Variants in GPC6 observed in about 807,000 individuals in gnomAD.
GPC6 encodes the protein glypican 6, also known as glypican-6.
A neutral mutation model predicts 55.2 loss-of-function variants in GPC6; 14 were observed. The observed-to-expected ratio is 0.25, with a 90% CI of 0.17 to 0.40. The LOEUF is 0.40. GPC6 is among the 10% of genes least tolerant of loss of function. The pLI is 1.00. For missense variants in GPC6, 641 were observed against 708.5 expected (o/e 0.90, Z 1.08); for synonymous variants, 278 against 259.6 (o/e 1.07, Z -0.68).
intron 3 of GPC6, among the ~76,000 whole-genome samples, chr13:94,024,992 A>G (rs964528566): frequency 6.6e-6 from 1 of 152,226 alleles, no homozygotes; most frequent in African/African-American, 2.4e-5. Context: ...GCATAGCACA[A>G]GGTTATAAAA....
intron 1 of GPC6, among the ~76,000 whole-genome samples, chr13:93,228,656 A>G (rs950280896): frequency 2.0e-5 from 3 of 152,160 alleles, no homozygotes; most frequent in African/African-American, 7.2e-5. Context: ...GCTAAAGAAC[A>G]GAACTGAGAG....
intron 1 of GPC6, among the ~76,000 whole-genome samples, chr13:93,340,171 A>C (rs1880202325): frequency 6.6e-6 from 1 of 151,348 alleles, no homozygotes; most frequent in Non-Finnish European, 1.5e-5. Flanking sequence ...AGTAGCTGGG[A>C]CTACAGGCGC....
intron 2 of GPC6, among the ~76,000 whole-genome samples, chr13:93,723,504 T>C (rs1216428019): frequency 6.6e-6 from 1 of 151,976 alleles, no homozygotes; most frequent in African/African-American, 2.4e-5. Context: ...AGCCTTCAGA[T>C]AACTGCAGCT....
chr13:94,022,846 G>A (rs574323949), intron 3 of GPC6, among the ~76,000 whole-genome samples: 1 of 152,114 alleles, frequency 6.6e-6, no homozygotes, highest in African/African-American at 2.4e-5. Context: ...TCATGTTCCT[G>A]TTGGCCATTT....
intron 2 of GPC6, among the ~76,000 whole-genome samples, chr13:93,790,725 G>A (rs892909591): frequency 2.6e-5 from 4 of 152,146 alleles, no homozygotes; most frequent in Admixed American, 2.6e-4. Context: ...TTCAAGGAGT[G>A]GCCAACCTAG....
intron 4 of GPC6, among the ~76,000 whole-genome samples, chr13:94,135,618 C>T (rs1887159826): frequency 6.6e-6 from 1 of 152,232 alleles, no homozygotes; most frequent in Admixed American, 6.5e-5. Flanking sequence ...GACATAAATC[C>T]ACATGGCTAA....
At chr13:93,822,387 G>A (rs963412560) in intron 2 of GPC6, among the ~76,000 whole-genome samples, 4 of 152,052 alleles carry the variant, frequency 2.6e-5, no homozygotes, top group African/African-American at 9.7e-5. Context: ...TGCTCTCCAG[G>A]CTCGGTTATC....
At chr13:93,938,028 T>C (rs1304731195) in intron 3 of GPC6, among the ~76,000 whole-genome samples, 5 of 152,208 alleles carry the variant, frequency 3.3e-5, no homozygotes, top group Non-Finnish European at 7.3e-5. Flanking sequence ...CTTAATTAGT[T>C]TGACCCTTAA....
intron 1 of GPC6, among the ~76,000 whole-genome samples, chr13:93,421,448 T>C (rs1379323839): frequency 2.0e-5 from 3 of 152,204 alleles, no homozygotes; most frequent in Non-Finnish European, 2.9e-5. Flanking sequence ...TTGTCAGGAA[T>C]TGATTTTCTG....
intron 1 of GPC6, among the ~76,000 whole-genome samples, chr13:93,473,025 A>C (rs1458090799): frequency 6.6e-6 from 1 of 152,148 alleles, no homozygotes; most frequent in Non-Finnish European, 1.5e-5. Flanking sequence ...GCTGTGGCTG[A>C]GCCTGGGGCT....
At chr13:93,518,386 C>T (rs980834312) in intron 1 of GPC6, among the ~76,000 whole-genome samples, 3 of 151,884 alleles carry the variant, frequency 2.0e-5, no homozygotes, top group African/African-American at 4.8e-5. Context: ...TCTTGCTTCT[C>T]CACTTTTCCA....
chr13:93,786,539 A>G (rs185615787), intron 2 of GPC6, among the ~76,000 whole-genome samples: 1 of 152,196 alleles, frequency 6.6e-6, no homozygotes, highest in East Asian at 1.9e-4. Flanking sequence ...GGACATACAC[A>G]GCTACTATAC....
At chr13:93,555,746 T>C (rs1160261892) in intron 2 of GPC6, among the ~76,000 whole-genome samples, 1 of 152,146 alleles carries the variant, frequency 6.6e-6, no homozygotes, top group African/African-American at 2.4e-5. Context: ...ATAAGAAATG[T>C]TTAAGATGTC....
chr13:94,359,068 T>C (rs1878936489), intron 6 of GPC6, among the ~76,000 whole-genome samples: 1 of 152,190 alleles, frequency 6.6e-6, no homozygotes, highest in Admixed American at 6.5e-5. Flanking sequence ...CTTACTGGTA[T>C]ATCTCATTTA....
intron 2 of GPC6, among the ~76,000 whole-genome samples, chr13:93,755,663 A>T (rs564483113): frequency 3.4e-4 from 52 of 152,338 alleles, no homozygotes; most frequent in African/African-American, 1.3e-3. Context: ...AAAGGGTTAA[A>T]AAGAGATTCT....
intron 3 of GPC6, among the ~76,000 whole-genome samples, chr13:93,913,968 C>G (rs1217205415): frequency 6.6e-6 from 1 of 152,176 alleles, no homozygotes; most frequent in Non-Finnish European, 1.5e-5. Context: ...CTTCTGCATT[C>G]TATGAATACC....
At chr13:93,950,657 C>A (rs1332950502) in intron 3 of GPC6, among the ~76,000 whole-genome samples, 1 of 152,182 alleles carries the variant, frequency 6.6e-6, no homozygotes, top group Non-Finnish European at 1.5e-5. Flanking sequence ...CAGAGGGTCA[C>A]TCTGTTCACT....
intron 4 of GPC6, among the ~76,000 whole-genome samples, chr13:94,051,053 A>G (rs1363320707): frequency 2.0e-5 from 3 of 152,128 alleles, no homozygotes; most frequent in Non-Finnish European, 4.4e-5. Flanking sequence ...CATCACATAT[A>G]TAAGTTCTGA....
intron 1 of GPC6, among the ~76,000 whole-genome samples, chr13:93,490,530 T>A (rs1222229078): frequency 7.3e-6 from 1 of 136,516 alleles, no homozygotes; most frequent in Non-Finnish European, 1.6e-5. Flanking sequence ...TTTTTTTTTA[T>A]TATTATACTT....
Sources: gnomAD v4.1 joint callset for allele counts (sites outside exome capture counted in the v4.1 genomes callset) on GRCh38, gnomAD v4.1.1 for gene constraint, MANE v1.5 for transcripts, NCBI Gene and HGNC (gene_info 2026-07-23, HGNC 2026-07-21) for gene names.